Variants in KLHL36 observed in about 807,000 individuals in gnomAD.
KLHL36 encodes the protein kelch like family member 36.
Under a neutral mutation model 53.3 loss-of-function variants are expected in KLHL36, and 35 were observed. The observed-to-expected ratio is 0.66, with a 90% CI of 0.50 to 0.87. KLHL36 has a LOEUF of 0.87. Among genes scored for constraint, KLHL36 ranks in the 40% least tolerant of loss-of-function variants. The probability of loss-of-function intolerance (pLI) is 0.00; values close to 1 mark genes in which losing one functional copy is unlikely to be tolerated. For missense variants in KLHL36, 864 were observed against 897.6 expected, an observed-to-expected ratio of 0.96 and a Z score of 0.48; for synonymous variants, 472 against 398.9, an observed-to-expected ratio of 1.18 and a Z score of -2.18.
In KLHL36 at chr16:84,661,852, A is replaced by G; in HGVS notation, c.1570A>G (p.Asn524Asp). 3 of 1,603,668 alleles carry G rather than the reference A, an allele frequency of 1.9e-6. No homozygotes were observed. The highest frequency in any genetic ancestry group is 2.6e-6 in the Non-Finnish European group (3 of 1,172,036). The change falls in exon 5 of 5, where the codon AAC becomes GAC. Residue 524 changes from asparagine (N) to aspartate (D), a missense_variant. Transcript: ENST00000564996. This position sits in a 1 kb window ranked among gnomAD's most constrained non-coding sequence, Gnocchi z 7.9. ...LGVEAYSPQC[N>D]QWTRVAPLLH... Reference sequence around the variant, plus strand: ...CGTGGAGGCCTACAGCCCGCAGTGCAACCAGTGGACCCGCGTGGCGCCGCT... The same window carrying G: ...CGTGGAGGCCTACAGCCCGCAGTGCGACCAGTGGACCCGCGTGGCGCCGCT...
intron 2 of KLHL36, among the ~76,000 whole-genome samples, chr16:84,654,703 G>A (rs763638067): frequency 7.9e-5 from 12 of 152,100 alleles, no homozygotes; most frequent in South Asian, 2.1e-4. Flanking sequence ...CTCCGCCTCC[G>A]GAGTGCAAGT....
At chr16:84,660,050 G>C in intron 4 of KLHL36, 133 bp downstream of exon 4, 2 of 923,820 alleles carry the variant, frequency 2.2e-6, no homozygotes. Context: ...GTCAGGAAGA[G>C]TGGGTACACC....
chr16:84,667,669 A>G lies in KLHL36; in HGVS notation c.*5536A>G, dbSNP rs549908875. ...AGAACCCCTTGCCTGTTGATCCTAA[A>G]TATAATTTGGAAATTAACCAGACTT... On this transcript the variant is annotated 3_prime_UTR_variant, in exon 5 of 5. Coordinates refer to ENST00000564996, the MANE Select transcript of KLHL36 (RefSeq NM_024731.4). 3.1e-4 allele frequency: 47 copies of G among 152,310 alleles called. No homozygotes were observed. The highest frequency in any genetic ancestry group is 1.1e-3 in the African/African-American group (45 of 41,558). 9.4% of individuals were successfully genotyped at this position (152,310 alleles called of 1,614,324 possible).
chr16:84,661,172 A>C lies in KLHL36; in HGVS notation c.1296-406A>C, dbSNP rs980272061. Among the ~76,000 whole-genome samples the C allele has an allele frequency of 2.0e-5, 3 of 152,208 alleles. No homozygotes were observed. Among genetic ancestry groups the C allele is most frequent in the Non-Finnish European group, 2.9e-5 (2 of 68,046 alleles). ...TTAGGCAAAACTTTTCCCGAGTGCC[A>C]GCACAGTTAGAATTGGACTGTATGT... On this transcript the variant is annotated intron_variant, in intron 4 of 4. Transcript: ENST00000564996. The surrounding 1 kb of genome is among the most constrained non-coding windows in gnomAD (Gnocchi z 7.9).
chr16:84,650,991 A>T, intron 2 of KLHL36, 61 bp downstream of exon 2: 1 of 1,348,686 alleles, frequency 7.4e-7, no homozygotes, highest in Middle Eastern at 1.8e-4. Context: ...CCTTTTTCTG[A>T]TTCACTCATT....
Position 84,657,477 on chromosome 16 carries a change from C to A in KLHL36, c.670C>A (p.Arg224Ser). 1 of 1,607,206 alleles carries A rather than the reference C, an allele frequency of 6.2e-7. No homozygotes were observed. Residue 224 changes from arginine (R) to serine (S), a missense_variant, in exon 3 of 5, where the codon CGC becomes AGC. Arg to Ser is a moderately radical substitution (Grantham distance 110). Coordinates refer to ENST00000564996, the MANE Select transcript of KLHL36 (RefSeq NM_024731.4). Reference protein sequence around the residue: ...ALQWLTQQPEREAHARQVLEN... With the variant: ...ALQWLTQQPESEAHARQVLEN... The stretch of plus-strand genomic sequence containing the variant: ...GCAGTGGCTGACGCAGCAGCCCGAG[C>A]GCGAGGCCCACGCCCGCCAGGTGCT...
At chr16:84,649,193 G>C (rs1906666366) in intron 1 of KLHL36, 1 of 152,374 alleles carries the variant, frequency 6.6e-6, no homozygotes. Flanking sequence ...GGGTGGCCTT[G>C]ACCCTTCACC....
chr16:84,655,195 G>T (rs770229654), intron 2 of KLHL36, among the ~76,000 whole-genome samples: 6 of 152,184 alleles, frequency 3.9e-5, no homozygotes, highest in Non-Finnish European at 7.3e-5. Flanking sequence ...GTGAGAATGT[G>T]GCCTGCTCCT....
intron 3 of KLHL36, 147 bp downstream of exon 3, chr16:84,658,091 C>T: frequency 1.5e-6 from 1 of 650,726 alleles, no homozygotes; most frequent in South Asian, 2.6e-5. Flanking sequence ...GCAGAATACC[C>T]CGGGGCCTAC....
Position 84,657,841 on chromosome 16 carries a change from G to T in KLHL36, c.1034G>T (p.Gly345Val). ...CACCACTGTGTCGCGGTGCTGGGGG[G>T]CTTCATCTTCATCGCCGGCGGCAGC... Reference protein sequence around the residue: ...RSHHCVAVLGGFIFIAGGSFS... With the variant: ...RSHHCVAVLGVFIFIAGGSFS... Residue 345 changes from glycine (G) to valine (V), a missense_variant, in exon 3 of 5, where the codon GGC becomes GTC. Transcript: ENST00000564996. 1 of 1,597,114 alleles carries T rather than the reference G, an allele frequency of 6.3e-7. No homozygotes were observed. The highest frequency in any genetic ancestry group is 8.5e-7 in the Non-Finnish European group (1 of 1,169,632).
intron 1 of KLHL36, among the ~76,000 whole-genome samples, chr16:84,650,543 C>T (rs557044367): frequency 7.9e-5 from 12 of 152,012 alleles, no homozygotes; most frequent in East Asian, 3.9e-4. Flanking sequence ...GTCTGGGCTC[C>T]GAAATGATAA....
chr16:84,659,832 G>A lies in KLHL36; in HGVS notation c.1210G>A (p.Gly404Ser), dbSNP rs767046510. The change falls in exon 4 of 5, where the codon GGC (glycine) becomes AGC (serine). Residue 404 changes from glycine (G) to serine (S), a missense_variant. Transcript: ENST00000564996. ...CGAAGACATGCTGGTGGCCATCGGC[G>A]GCCGGAATGAGAACGGAGCGCTCTC... ...SIEDMLVAIG[G>S]RNENGALSSV... The A allele has an allele frequency of 6.2e-6, 10 of 1,613,968 alleles. No homozygotes were observed. The highest frequency in any genetic ancestry group is 4.0e-5 in the African/African-American group (3 of 74,896).
At position 84,657,344 on chromosome 16, in the gene KLHL36, C is replaced by T. The variant is rs776895990; in HGVS notation, c.537C>T (p.Ser179=). 61 of 1,612,826 alleles carry T rather than the reference C, an allele frequency of 3.8e-5. No individual in the cohort carries two copies. The highest frequency in any genetic ancestry group is 4.8e-5 in the Non-Finnish European group (57 of 1,180,032). ...GFILNHFGTL[S]FTPDFLQNVS... ...TCCTGAACCACTTCGGCACGCTGTC[C>T]TTTACGCCCGACTTCCTGCAGAACG... Residue 179 remains serine (S), a synonymous_variant, in exon 3 of 5, where the codon TCC becomes TCT. Coordinates refer to ENST00000564996, the MANE Select transcript of KLHL36 (RefSeq NM_024731.4).
chr16:84,649,858 A>G (rs1470153431), intron 1 of KLHL36, among the ~76,000 whole-genome samples: 1 of 152,196 alleles, frequency 6.6e-6, no homozygotes, highest in African/African-American at 2.4e-5. Flanking sequence ...CGGGGGAAAA[A>G]AATCCTCTTT....
Position 84,667,069 on chromosome 16 carries a change from A to AAAAAAG in KLHL36, c.*4941_*4942insGAAAAA, listed in dbSNP as rs1555530372. ...CGAGTAAGACTGTCTCAAAAAAAAA[A>AAAAAAG]AAAAAAAAGAAAAGAAATTGTCCTT... On this transcript the variant is annotated 3_prime_UTR_variant, in exon 5 of 5. Transcript: ENST00000564996. 6.8e-6 allele frequency: 1 copy of AAAAAAG among 146,168 alleles called. No individual in the cohort carries two copies. Among genetic ancestry groups the AAAAAAG allele is most frequent in the African/African-American group, 2.6e-5 (1 of 39,188 alleles). 9.1% of individuals were successfully genotyped at this position (146,168 alleles called of 1,614,324 possible).
rs1331484921 is a variant in KLHL36, at chr16:84,656,942, C to T, written c.135C>T (p.Phe45=). The change falls in exon 3 of 5, where the codon TTC becomes TTT. Residue 45 remains phenylalanine (F), a synonymous_variant. Coordinates refer to ENST00000564996, the MANE Select transcript of KLHL36 (RefSeq NM_024731.4). ...ACGAGCAGCGTCTCCGCGGGCTCTT[C>T]TGCGACGTCGTCCTGGTGGCCGATG... ...RLNEQRLRGL[F]CDVVLVADEQ... is the part of the protein sequence containing the mutation. The T allele has an allele frequency of 1.2e-6, 2 of 1,613,666 alleles. No individual in the cohort carries two copies. Among genetic ancestry groups the T allele is most frequent in the East Asian group, 2.2e-5 (1 of 44,888 alleles).
At chr16:84,650,389 G>A (rs369455090) in intron 1 of KLHL36, among the ~76,000 whole-genome samples, 25 of 152,198 alleles carry the variant, frequency 1.6e-4, no homozygotes, top group East Asian at 7.7e-4. Flanking sequence ...CGTGATTCTC[G>A]GCCGTTTACT....
Position 84,661,831 on chromosome 16 carries a change from G to T in KLHL36, c.1549G>T (p.Glu517Ter). ...GGAGCGCTTCGACGTGCTGGGCGTG[G>T]AGGCCTACAGCCCGCAGTGCAACCA... ...SMERFDVLGV[E>*]AYSPQCNQWT... The change falls in exon 5 of 5, where the codon GAG (glutamate) becomes TAG (stop). Residue 517 changes from glutamate to a stop codon, truncating the protein, a stop_gained. Coordinates refer to ENST00000564996, the MANE Select transcript of KLHL36 (RefSeq NM_024731.4). LOFTEE classifies it high-confidence loss of function. The surrounding 1 kb of genome is among the most constrained non-coding windows in gnomAD (Gnocchi z 7.9). The T allele has an allele frequency of 6.2e-7, 1 of 1,607,360 alleles. No homozygotes were observed. Among genetic ancestry groups the T allele is most frequent in the Non-Finnish European group, 8.5e-7 (1 of 1,174,902 alleles).
At chr16:84,659,588 C>T (rs1907423959) in intron 3 of KLHL36, 172 bp from the exon 4 acceptor site, 5 of 645,882 alleles carry the variant, frequency 7.7e-6, no homozygotes, top group South Asian at 4.1e-5. Flanking sequence ...GGTGAAACCT[C>T]GGGGGCTCAG....
Sources: allele counts gnomAD v4.1 joint callset (sites outside exome capture counted in the v4.1 genomes callset), GRCh38; gene constraint gnomAD v4.1.1; non-coding constraint Gnocchi (gnomAD v3.1); transcripts MANE v1.5; gene names NCBI Gene and HGNC (gene_info 2026-07-23, HGNC 2026-07-21).